UBTD1: variants seen among roughly 807,000 people sequenced by gnomAD.
UBTD1 encodes ubiquitin domain containing 1.
A neutral mutation model predicts 21.7 loss-of-function variants in UBTD1; 19 were observed. The ratio of observed to expected loss-of-function variants is 0.87; its 90% CI spans 0.61 to 1.28. UBTD1 has a LOEUF of 1.28. Ranked by LOEUF, UBTD1 falls within the 50% of genes most tolerant of loss-of-function variation. The pLI is 0.00. For missense variants in UBTD1, 282 were observed against 315.1 expected, an observed-to-expected ratio of 0.89 and a Z score of 0.80; for synonymous variants, 116 against 135.1, an observed-to-expected ratio of 0.86 and a Z score of 0.98.
intron 1 of UBTD1, among the ~76,000 whole-genome samples, chr10:97,524,438 C>T (rs1005035382): frequency 3.3e-5 from 5 of 152,162 alleles, no homozygotes; most frequent in African/African-American, 1.2e-4. Context: ...ACACCTCCTT[C>T]TTCTAGCCCC....
intron 1 of UBTD1, among the ~76,000 whole-genome samples, chr10:97,501,606 AC>A (rs2040376865): frequency 6.6e-6 from 1 of 152,056 alleles, no homozygotes; most frequent in African/African-American, 2.4e-5. Flanking sequence ...AAAAAACAAA[AC>A]AACAGCAACA....
intron 1 of UBTD1, among the ~76,000 whole-genome samples, chr10:97,543,901 A>G (rs1029657849): frequency 6.6e-6 from 1 of 152,144 alleles, no homozygotes; most frequent in Non-Finnish European, 1.5e-5. Flanking sequence ...CAGATGGAGT[A>G]TGCAGGAGCC....
At chr10:97,541,420 G>T (rs1390829317) in intron 1 of UBTD1, among the ~76,000 whole-genome samples, 1 of 152,102 alleles carries the variant, frequency 6.6e-6, no homozygotes, top group Non-Finnish European at 1.5e-5. Flanking sequence ...CAAGGCTGCA[G>T]TGGGCTATGA....
At chr10:97,554,465 T>G (rs1256891943) in intron 1 of UBTD1, among the ~76,000 whole-genome samples, 1 of 152,124 alleles carries the variant, frequency 6.6e-6, no homozygotes, top group African/African-American at 2.4e-5. Flanking sequence ...CAGGCTGGTC[T>G]CGAACTCCTG....
chr10:97,509,969 T>C (rs1296490715), intron 1 of UBTD1, among the ~76,000 whole-genome samples: 1 of 143,202 alleles, frequency 7.0e-6, no homozygotes, highest in Non-Finnish European at 1.5e-5. Context: ...TTTTTTTTTC[T>C]TTTTCTTTAT....
intron 1 of UBTD1, among the ~76,000 whole-genome samples, chr10:97,554,296 G>A (rs1012347424): frequency 1.2e-4 from 17 of 140,998 alleles, no homozygotes; most frequent in Admixed American, 1.1e-3. Flanking sequence ...CACCCAGGCT[G>A]GAGTACAGTG....
chr10:97,525,563 G>A (rs1043279768), intron 1 of UBTD1, among the ~76,000 whole-genome samples: 9 of 152,210 alleles, frequency 5.9e-5, no homozygotes, highest in African/African-American at 1.9e-4. Flanking sequence ...TGAGCCTAGT[G>A]GAAGTGAGTG....
At chr10:97,567,693 G>GA (rs1369994215) in intron 1 of UBTD1, among the ~76,000 whole-genome samples, 3 of 152,020 alleles carry the variant, frequency 2.0e-5, no homozygotes, top group Non-Finnish European at 4.4e-5. Context: ...AACAATGGTA[G>GA]CGTATGCTTT....
At chr10:97,510,734 C>G (rs1036630823) in intron 1 of UBTD1, among the ~76,000 whole-genome samples, 11 of 152,058 alleles carry the variant, frequency 7.2e-5, no homozygotes, top group Non-Finnish European at 2.9e-5. Context: ...ATCTACTGTT[C>G]GACCCATTTA....
Position 97,537,907 on chromosome 10 carries a change from C to A in UBTD1, c.71-30007C>A, listed in dbSNP as rs914280852. 4.0e-5 allele frequency among the ~76,000 whole-genome samples: 6 copies of A among 150,044 alleles called. No homozygotes were observed. The Admixed American group carries it at 4.0e-4, about 10-fold the overall frequency. ...GTGGTATGATCTCACCCCACTGCAA[C>A]CTCTACCTCCCAGGTTCAAGCGATT... On this transcript the variant is annotated intron_variant, in intron 1 of 2. Coordinates refer to ENST00000370664, the MANE Select transcript of UBTD1 (RefSeq NM_024954.5).
At chr10:97,523,432 G>A (rs931240832) in intron 1 of UBTD1, among the ~76,000 whole-genome samples, 1 of 152,144 alleles carries the variant, frequency 6.6e-6, no homozygotes, top group Non-Finnish European at 1.5e-5. Flanking sequence ...GAGAACTAAA[G>A]CTTGCTAGGG....
At chr10:97,511,078 CTG>C (rs1450681009) in intron 1 of UBTD1, among the ~76,000 whole-genome samples, 1 of 152,186 alleles carries the variant, frequency 6.6e-6, no homozygotes, top group Non-Finnish European at 1.5e-5. Flanking sequence ...GATACCTCCT[CTG>C]TGAACTTCCA....
chr10:97,536,191 C>T (rs1277783793), intron 1 of UBTD1, among the ~76,000 whole-genome samples: 1 of 151,926 alleles, frequency 6.6e-6, no homozygotes, highest in East Asian at 1.9e-4. Flanking sequence ...GGGGTTTCAC[C>T]ATGTTGGTCA....
At chr10:97,538,920 G>C (rs1444987272) in intron 1 of UBTD1, among the ~76,000 whole-genome samples, 2 of 152,194 alleles carry the variant, frequency 1.3e-5, no homozygotes, top group East Asian at 3.8e-4. Flanking sequence ...GATGTGAGTT[G>C]AGTCTTAGAG....
At chr10:97,528,891 T>A in intron 1 of UBTD1, among the ~76,000 whole-genome samples, 1 of 88,924 alleles carries the variant, frequency 1.1e-5, no homozygotes, top group Non-Finnish European at 2.3e-5. Context: ...GCTGGCCGGG[T>A]GGGGGGCTGA....
chr10:97,521,073 G>A (rs2040465171), intron 1 of UBTD1, among the ~76,000 whole-genome samples: 1 of 152,204 alleles, frequency 6.6e-6, no homozygotes, highest in Non-Finnish European at 1.5e-5. Flanking sequence ...GAGGCCCTGG[G>A]CCTGCCAGCT....
chr10:97,561,300 C>A (rs1030523075), intron 1 of UBTD1, among the ~76,000 whole-genome samples: 1 of 152,114 alleles, frequency 6.6e-6, no homozygotes, highest in African/African-American at 2.4e-5. Flanking sequence ...TGAGTTACCT[C>A]GTTTCCTGGT....
At position 97,570,847 on chromosome 10, in the gene UBTD1, G is replaced by A. The variant is rs571239739; in HGVS notation, c.*324G>A. 263 of 313,784 alleles carry A rather than the reference G, an allele frequency of 8.4e-4. 1 individual carries two copies. The highest frequency in any genetic ancestry group is 4.9e-3 in the Middle Eastern group (5 of 1,016). 19.4% of individuals were successfully genotyped at this position (313,784 alleles called of 1,614,324 possible). ...CCAGATCTGTCATCTGGTGCTGCCA[G>A]CTGTGCTCACTCTGGTTTTCTGCTC... On this transcript the variant is annotated 3_prime_UTR_variant, in exon 3 of 3. Transcript: ENST00000370664. This position sits in a 1 kb window ranked among gnomAD's most constrained non-coding sequence, Gnocchi z 6.6.
At chr10:97,528,503 G>T (rs1324877598) in intron 1 of UBTD1, among the ~76,000 whole-genome samples, 1 of 85,104 alleles carries the variant, frequency 1.2e-5, no homozygotes, top group African/African-American at 4.5e-5. Flanking sequence ...CCTCCCGGAC[G>T]GGGCGGCTGG....
Sources: gnomAD v4.1 joint callset for allele counts (sites outside exome capture counted in the v4.1 genomes callset) on GRCh38, gnomAD v4.1.1 for gene constraint, Gnocchi (gnomAD v3.1) non-coding constraint, MANE v1.5 for transcripts, NCBI Gene and HGNC (gene_info 2026-07-23, HGNC 2026-07-21) for gene names.